The following SKAP1 variants were observed in gnomAD, a reference collection of about 807,000 sequenced individuals.
SKAP1 encodes the protein src kinase associated phosphoprotein 1, also known as src kinase-associated phosphoprotein 1.
Under a neutral mutation model 58.5 loss-of-function variants are expected in SKAP1, and 44 were observed. That is an observed-to-expected ratio of 0.75 (90% CI 0.59 to 0.97). SKAP1 has a LOEUF of 0.97. SKAP1 is among the 50% of genes least tolerant of loss of function. The pLI, the probability that SKAP1 is intolerant of heterozygous loss-of-function variation, is 0.00. For missense variants in SKAP1, 390 were observed against 435.2 expected, an observed-to-expected ratio of 0.90 and a Z score of 0.92; for synonymous variants, 127 against 149.7, an observed-to-expected ratio of 0.85 and a Z score of 1.11.
At chr17:48,381,983 G>C (rs1390687053) in intron 2 of SKAP1, among the ~76,000 whole-genome samples, 2 of 152,124 alleles carry the variant, frequency 1.3e-5, no homozygotes, top group African/African-American at 4.8e-5. Context: ...ATACTAGCTG[G>C]GTTCAAATTC....
rs2144554581 is a variant in SKAP1 at position 48,133,723 on chromosome 17, G to A, written c.*101C>T. 1 of 152,754 alleles carries A rather than the reference G, an allele frequency of 6.5e-6. No homozygotes were observed. Among genetic ancestry groups the A allele is most frequent in the East Asian group, 1.9e-4 (1 of 5,188 alleles). 9.5% of individuals were successfully genotyped at this position (152,754 alleles called of 1,614,324 possible). On this transcript the variant is annotated 3_prime_UTR_variant, in exon 13 of 13. Coordinates refer to ENST00000336915, the MANE Select transcript of SKAP1 (RefSeq NM_003726.4). ...TTGGGTCTCTTCAGCAAAGAGAGGA[G>A]TCCAAGGCGTTGGTGGGGTGGCAGA...
chr17:48,364,032 C>T (rs924229059), intron 2 of SKAP1, among the ~76,000 whole-genome samples: 2 of 152,146 alleles, frequency 1.3e-5, no homozygotes, highest in Non-Finnish European at 1.5e-5. Context: ...AAATTCCTCA[C>T]GTAATTTTGA....
intron 4 of SKAP1, among the ~76,000 whole-genome samples, chr17:48,222,330 A>T (rs2065015446): frequency 6.6e-6 from 1 of 151,758 alleles, no homozygotes; most frequent in Non-Finnish European, 1.5e-5. Flanking sequence ...CTCTTCCTTC[A>T]TACTCCTACA....
intron 4 of SKAP1, among the ~76,000 whole-genome samples, chr17:48,343,847 G>A (rs1224113170): frequency 3.3e-5 from 5 of 152,168 alleles, no homozygotes; most frequent in African/African-American, 4.8e-5. Flanking sequence ...ATAGTAGAGT[G>A]GTTAAGAGCA....
intron 4 of SKAP1, among the ~76,000 whole-genome samples, chr17:48,279,489 C>T (rs552430173): frequency 9.9e-5 from 15 of 152,264 alleles, no homozygotes; most frequent in African/African-American, 3.4e-4. Context: ...GAGGACTTTG[C>T]ATGTTAAAAA....
intron 4 of SKAP1, chr17:48,294,319 G>A (rs576239272): frequency 2.1e-4 from 32 of 152,228 alleles, no homozygotes; most frequent in African/African-American, 7.2e-4. Flanking sequence ...TACAGCCACC[G>A]GCCTCAACAA....
chr17:48,234,562 T>G (rs975965621), intron 4 of SKAP1, among the ~76,000 whole-genome samples: 1 of 152,184 alleles, frequency 6.6e-6, no homozygotes, highest in Admixed American at 6.5e-5. Context: ...ATTCTGAAAT[T>G]CAAGGTAATA....
intron 4 of SKAP1, among the ~76,000 whole-genome samples, chr17:48,315,867 C>T (rs1445876096): frequency 6.6e-6 from 1 of 152,142 alleles, no homozygotes; most frequent in Non-Finnish European, 1.5e-5. Flanking sequence ...AAATGGATTT[C>T]ATGTTTAGAC....
At chr17:48,291,598 A>G (rs907428091) in intron 4 of SKAP1, among the ~76,000 whole-genome samples, 12 of 152,228 alleles carry the variant, frequency 7.9e-5, no homozygotes, top group Admixed American at 4.6e-4. Flanking sequence ...GAGGTGCTCA[A>G]TGGCTGTTTA....
At position 48,150,973 on chromosome 17, in the gene SKAP1, G is replaced by A. The variant is rs576531113; in HGVS notation, c.978+11496C>T. On this transcript the variant is annotated intron_variant, in intron 11 of 12. Coordinates refer to ENST00000336915, the MANE Select transcript of SKAP1 (RefSeq NM_003726.4). Reference sequence around the variant, plus strand: ...ACAGACGGGGATTTCACAGCCAGAAGACTTAGGAGGTCAACAGTTGAAAAG... The same window carrying A: ...ACAGACGGGGATTTCACAGCCAGAAAACTTAGGAGGTCAACAGTTGAAAAG... Among the ~76,000 whole-genome samples, 4 of 151,496 alleles carry A rather than the reference G, an allele frequency of 2.6e-5. No homozygotes were observed. The East Asian group carries it at 7.8e-4, about 29-fold the overall frequency.
intron 4 of SKAP1, among the ~76,000 whole-genome samples, chr17:48,326,651 T>C (rs1336075776): frequency 2.6e-5 from 4 of 152,208 alleles, no homozygotes; most frequent in African/African-American, 9.6e-5. Context: ...TTTTTATTCC[T>C]AGGTTGATTG....
intron 4 of SKAP1, among the ~76,000 whole-genome samples, chr17:48,283,210 G>T (rs1187559713): frequency 6.6e-6 from 1 of 152,196 alleles, no homozygotes; most frequent in East Asian, 1.9e-4. Flanking sequence ...ACTGATGAGA[G>T]AATGCAGAGA....
chr17:48,351,306 A>G (rs1427666343), intron 3 of SKAP1, among the ~76,000 whole-genome samples: 1 of 152,218 alleles, frequency 6.6e-6, no homozygotes, highest in Non-Finnish European at 1.5e-5. Flanking sequence ...AGAACATCCT[A>G]GAGGCTTCAC....
At chr17:48,316,880 T>G (rs142824819) in intron 4 of SKAP1, among the ~76,000 whole-genome samples, 2,604 of 152,266 alleles carry the variant, frequency 0.017, 30 homozygotes, top group Middle Eastern at 0.031. Flanking sequence ...ATGGTATCTA[T>G]CACTATTTCT....
intron 4 of SKAP1, among the ~76,000 whole-genome samples, chr17:48,243,944 C>G (rs1036530902): frequency 1.3e-5 from 2 of 151,592 alleles, no homozygotes; most frequent in Non-Finnish European, 2.9e-5. Context: ...GTCTCCTCCT[C>G]TAAGAAAAAG....
intron 4 of SKAP1, among the ~76,000 whole-genome samples, chr17:48,319,896 A>C (rs1298617957): frequency 6.6e-6 from 1 of 152,158 alleles, no homozygotes; most frequent in African/African-American, 2.4e-5. Flanking sequence ...TCTTTTAATA[A>C]AAATTTTGAA....
At chr17:48,414,424 T>A (rs1185083395) in intron 1 of SKAP1, among the ~76,000 whole-genome samples, 1 of 152,088 alleles carries the variant, frequency 6.6e-6, no homozygotes, top group African/African-American at 2.4e-5. Context: ...ACAAAAAATT[T>A]CAAATTGGAG....
At chr17:48,416,644 G>A (rs936061359) in intron 1 of SKAP1, among the ~76,000 whole-genome samples, 3 of 152,050 alleles carry the variant, frequency 2.0e-5, no homozygotes, top group African/African-American at 7.3e-5. Flanking sequence ...TTCATTCTAG[G>A]GTATCTGAGT....
intron 4 of SKAP1, among the ~76,000 whole-genome samples, chr17:48,276,817 A>G (rs36052366): frequency 0.029 from 4,419 of 151,516 alleles, 242 homozygotes; most frequent in African/African-American, 0.1. Context: ...CTTAATTGAC[A>G]TATGTTTCTT....
Sources: gnomAD v4.1 joint callset for allele counts (sites outside exome capture counted in the v4.1 genomes callset) on GRCh38, gnomAD v4.1.1 for gene constraint, MANE v1.5 for transcripts, NCBI Gene and HGNC (gene_info 2026-07-23, HGNC 2026-07-21) for gene names.